TRPC7: variants seen among roughly 807,000 people sequenced by gnomAD.
TRPC7 encodes the protein short transient receptor potential channel 7.
TRPC7 carries 42 observed loss-of-function variants against 90.1 expected under a neutral mutation model. That is an observed-to-expected ratio of 0.47 (90% CI 0.36 to 0.60). TRPC7 has a LOEUF of 0.60. Among genes scored for constraint, TRPC7 ranks in the 20% least tolerant of loss-of-function variants. TRPC7 has a pLI of 0.00. For synonymous variants in TRPC7, 451 were observed against 436.3 expected (o/e 1.03, Z -0.42); for missense variants, 955 against 1,112.3 (o/e 0.86, Z 2.01).
At chr5:136,291,157 G>A (rs1401138893) in intron 3 of TRPC7, among the ~76,000 whole-genome samples, 1 of 152,152 alleles carries the variant, frequency 6.6e-6, no homozygotes, top group Non-Finnish European at 1.5e-5. Context: ...AACATGGAAA[G>A]GAACAACTGG....
intron 3 of TRPC7, among the ~76,000 whole-genome samples, chr5:136,291,570 T>C (rs1465071175): frequency 3.3e-5 from 5 of 152,094 alleles, no homozygotes; most frequent in African/African-American, 1.2e-4. Flanking sequence ...GGTAAAGGGA[T>C]CAATTCAACA....
chr5:136,238,367 C>T (rs1190365334), intron 7 of TRPC7, among the ~76,000 whole-genome samples: 1 of 152,170 alleles, frequency 6.6e-6, no homozygotes, highest in Non-Finnish European at 1.5e-5. Context: ...AGAATAGTGT[C>T]CAGCTTGTAG....
chr5:136,354,191 G>A (rs1760288260), intron 2 of TRPC7, among the ~76,000 whole-genome samples: 1 of 152,160 alleles, frequency 6.6e-6, no homozygotes, highest in African/African-American at 2.4e-5. Context: ...TGAGCAACAA[G>A]CAAAGTTCAA....
At chr5:136,246,265 C>G (rs1015230133) in intron 7 of TRPC7, among the ~76,000 whole-genome samples, 1 of 152,190 alleles carries the variant, frequency 6.6e-6, no homozygotes, top group African/African-American at 2.4e-5. Flanking sequence ...GCAGGACTTG[C>G]TGGGTGTCCA....
chr5:136,357,319 G>C lies in TRPC7; in HGVS notation c.69C>G (p.Arg23=), dbSNP rs1244739993. ...RHTTLREKGR[R]QAIRGPAYMF... ...TGTAGGCGGGACCCCGGATGGCCTG[G>C]CGACGGCCCTTCTCCCTCAGCGTTG... is the stretch of plus-strand genomic sequence containing the variant. Residue 23 remains arginine, a synonymous_variant, in exon 2 of 12, where the codon CGC becomes CGG. Coordinates refer to ENST00000513104, the MANE Select transcript of TRPC7 (RefSeq NM_020389.3). 6.2e-7 allele frequency: 1 copy of C among 1,608,272 alleles called. No homozygotes were observed. Among genetic ancestry groups the C allele is most frequent in the Non-Finnish European group, 8.5e-7 (1 of 1,179,864 alleles).
intron 3 of TRPC7, among the ~76,000 whole-genome samples, chr5:136,292,728 G>A (rs1758005631): frequency 6.6e-6 from 1 of 152,006 alleles, no homozygotes; most frequent in African/African-American, 2.4e-5. Flanking sequence ...AGGAGGAGCT[G>A]GTACCATTCC....
chr5:136,351,178 C>A (rs535922086), intron 2 of TRPC7, among the ~76,000 whole-genome samples: 1 of 152,000 alleles, frequency 6.6e-6, no homozygotes, highest in Non-Finnish European at 1.5e-5. Flanking sequence ...TTGGCTGAAT[C>A]CATTGATGTG....
intron 2 of TRPC7, among the ~76,000 whole-genome samples, chr5:136,332,952 G>A (rs1222991072): frequency 2.0e-5 from 3 of 152,128 alleles, no homozygotes; most frequent in South Asian, 4.1e-4. Context: ...TTTGTCCTTC[G>A]AGGAGCTGCT....
chr5:136,276,134 G>T (rs1378638977), intron 3 of TRPC7, among the ~76,000 whole-genome samples: 2 of 152,030 alleles, frequency 1.3e-5, no homozygotes, highest in African/African-American at 4.8e-5. Flanking sequence ...CTGGTAATAG[G>T]CAATATTTAA....
intron 5 of TRPC7, among the ~76,000 whole-genome samples, chr5:136,254,279 G>C (rs1240877017): frequency 6.6e-6 from 1 of 152,202 alleles, no homozygotes; most frequent in African/African-American, 2.4e-5. Context: ...TATCTTGAAA[G>C]AAGATGCCAT....
chr5:136,247,363 G>A lies in TRPC7; in HGVS notation c.1844+108C>T. ...TGAATAAAGTTGCCTTTAACCTTGA[G>A]AGATAGCAAGGAAACAGCAGTCTCT... is the stretch of plus-strand genomic sequence containing the variant. On this transcript the variant is annotated intron_variant, in intron 7 of 11. Coordinates refer to ENST00000513104, the MANE Select transcript of TRPC7 (RefSeq NM_020389.3). The surrounding 1 kb of genome is among the most constrained non-coding windows in gnomAD (Gnocchi z 4.2). 7.9e-7 allele frequency: 1 copy of A among 1,261,172 alleles called. No homozygotes were observed. Among genetic ancestry groups the A allele is most frequent in the African/African-American group, 1.5e-5 (1 of 66,458 alleles). 78.1% of individuals were successfully genotyped at this position (1,261,172 alleles called of 1,614,324 possible). A position where few individuals can be genotyped will look rare whatever the true frequency, so the allele number is the denominator to read the frequency against.
At chr5:136,329,270 G>C (rs560960254) in intron 2 of TRPC7, among the ~76,000 whole-genome samples, 2 of 152,186 alleles carry the variant, frequency 1.3e-5, no homozygotes, top group South Asian at 4.2e-4. Context: ...AGCAACTCAG[G>C]TATTATATCC....
At chr5:136,328,455 T>C (rs888145792) in intron 2 of TRPC7, among the ~76,000 whole-genome samples, 16 of 152,362 alleles carry the variant, frequency 1.1e-4, no homozygotes, top group African/African-American at 3.4e-4. Flanking sequence ...GAAAGATGGC[T>C]GTGCATTGGT....
intron 8 of TRPC7, among the ~76,000 whole-genome samples, chr5:136,227,153 T>G (rs989125423): frequency 6.6e-6 from 1 of 152,212 alleles, no homozygotes; most frequent in Non-Finnish European, 1.5e-5. Flanking sequence ...GTTCTGTTCT[T>G]TCTGACATTG....
rs921115446 is a variant in TRPC7 at position 136,365,286 on chromosome 5, C to G, written c.-32G>C. ...TGTAATACGCAGGCTTGTTCCTCCT[C>G]TAGATGACCGGAATCCGGTGTTGAG... is the stretch of plus-strand genomic sequence containing the variant. On this transcript the variant is annotated 5_prime_UTR_variant, in exon 1 of 12. It removes the in-frame stop codon of an upstream open reading frame in the 5' UTR. Coordinates refer to ENST00000513104, the MANE Select transcript of TRPC7 (RefSeq NM_020389.3). 1 of 1,536,994 alleles carries G rather than the reference C, an allele frequency of 6.5e-7. No homozygotes were observed. Among genetic ancestry groups the G allele is most frequent in the African/African-American group, 1.4e-5 (1 of 73,012 alleles).
Position 136,213,010 on chromosome 5 carries a change from G to A in TRPC7, c.*425C>T, listed in dbSNP as rs1034747637. On this transcript the variant is annotated 3_prime_UTR_variant, in exon 12 of 12. Transcript: ENST00000513104. ...GGTTCTGTTTGGATGTGTTGGGGGTGGCAGGGAGGGAGTGAGAAGGAGTTT... is the reference window on the plus strand; with the variant it reads ...GGTTCTGTTTGGATGTGTTGGGGGTAGCAGGGAGGGAGTGAGAAGGAGTTT... Among the ~76,000 whole-genome samples the A allele has an allele frequency of 3.9e-5, 6 of 152,154 alleles. No individual in the cohort carries two copies. Among genetic ancestry groups the A allele is most frequent in the African/African-American group, 1.4e-4 (6 of 41,424 alleles).
chr5:136,341,082 T>C (rs1261509106), intron 2 of TRPC7, among the ~76,000 whole-genome samples: 1 of 152,202 alleles, frequency 6.6e-6, no homozygotes. Context: ...TATATAGTTT[T>C]CAGTGCCAGT....
At chr5:136,225,020 A>G (rs1181880658) in intron 10 of TRPC7, among the ~76,000 whole-genome samples, 1 of 152,164 alleles carries the variant, frequency 6.6e-6, no homozygotes, top group African/African-American at 2.4e-5. Context: ...GCATACACTT[A>G]TCTGTGTGTT....
At chr5:136,329,273 T>C (rs1213379056) in intron 2 of TRPC7, among the ~76,000 whole-genome samples, 3 of 152,152 alleles carry the variant, frequency 2.0e-5, no homozygotes, top group South Asian at 4.1e-4. Flanking sequence ...AACTCAGGTA[T>C]TATATCCACT....
Sources: allele counts gnomAD v4.1 joint callset (sites outside exome capture counted in the v4.1 genomes callset), GRCh38; gene constraint gnomAD v4.1.1; non-coding constraint Gnocchi (gnomAD v3.1); transcripts MANE v1.5; gene names NCBI Gene and HGNC (gene_info 2026-07-23, HGNC 2026-07-21).